EPS15L1: variants seen among roughly 807,000 people sequenced by gnomAD.
The protein encoded by EPS15L1 is epidermal growth factor receptor substrate 15-like 1.
A neutral mutation model predicts 117.1 loss-of-function variants in EPS15L1; 43 were observed. The observed-to-expected ratio is 0.37, with a 90% CI of 0.29 to 0.47. The LOEUF is 0.47. Among genes scored for constraint, EPS15L1 ranks in the 20% least tolerant of loss-of-function variants. The pLI, the probability that EPS15L1 is intolerant of heterozygous loss-of-function variation, is 0.99. For synonymous variants in EPS15L1, 459 were observed against 470.5 expected (o/e 0.98, Z 0.32); for missense variants, 981 against 1,164.0 (o/e 0.84, Z 2.29).
chr19:16,386,154 T>G lies in EPS15L1; in HGVS notation c.2164+17A>C, dbSNP rs776302300. ...CCCAAGGAATAGTCAGGAAGAAAAA[T>G]AAGTCATGGGTCTCACCTGATCCTT... is the stretch of plus-strand genomic sequence containing the variant. On this transcript the variant is annotated intron_variant, in intron 20 of 23. Transcript: ENST00000455140. The G allele has an allele frequency of 3.1e-6, 5 of 1,597,300 alleles. No homozygotes were observed. Among genetic ancestry groups the G allele is most frequent in the East Asian group, 2.2e-5 (1 of 44,658 alleles).
At chr19:16,437,714 C>A in intron 5 of EPS15L1, 56 bp downstream of exon 5, 1 of 1,229,616 alleles carries the variant, frequency 8.1e-7, no homozygotes, top group Non-Finnish European at 1.2e-6. Flanking sequence ...TGCACATACA[C>A]ACACACACAC....
chr19:16,390,332 T>C (rs576978655), intron 19 of EPS15L1, among the ~76,000 whole-genome samples: 5 of 152,312 alleles, frequency 3.3e-5, no homozygotes, highest in African/African-American at 1.2e-4. Context: ...TAAACACCTA[T>C]GCACCTGACA....
intron 1 of EPS15L1, among the ~76,000 whole-genome samples, chr19:16,466,093 A>G (rs905360176): frequency 6.6e-6 from 1 of 151,546 alleles, no homozygotes; most frequent in Admixed American, 6.6e-5. Flanking sequence ...GGTCCAAGCA[A>G]TTCTCCTGCC....
At chr19:16,453,799 A>G (rs2145142299) in intron 1 of EPS15L1, among the ~76,000 whole-genome samples, 1 of 152,244 alleles carries the variant, frequency 6.6e-6, no homozygotes, top group Admixed American at 6.5e-5. Flanking sequence ...AGCATCATGC[A>G]ATACTCTCAT....
chr19:16,469,462 G>A (rs533619524), intron 1 of EPS15L1, among the ~76,000 whole-genome samples: 1 of 152,082 alleles, frequency 6.6e-6, no homozygotes, highest in South Asian at 2.1e-4. Context: ...AAGGCTTTTT[G>A]GAAAGCAGAA....
intron 22 of EPS15L1, among the ~76,000 whole-genome samples, chr19:16,374,827 CAG>C (rs1349845209): frequency 6.6e-5 from 10 of 152,346 alleles, no homozygotes; most frequent in South Asian, 6.2e-4. Context: ...TATGTAAGCA[CAG>C]AGTGTGCATG....
intron 4 of EPS15L1, 39 bp downstream of exon 4, chr19:16,440,823 C>T (rs1224178114): frequency 6.2e-7 from 1 of 1,606,858 alleles, no homozygotes; most frequent in East Asian, 2.2e-5. Context: ...GGGGGCTCTG[C>T]CCAGCCCCTC....
rs1367018073 is a variant in EPS15L1 at position 16,393,890 on chromosome 19, C to A, written c.1966+61G>T. 2.0e-6 allele frequency: 3 copies of A among 1,526,738 alleles called. No homozygotes were observed. In the African/African-American group the frequency reaches 4.1e-5, roughly 21 times the overall value. 94.6% of individuals were successfully genotyped at this position (1,526,738 alleles called of 1,614,324 possible). Reference sequence around the variant, plus strand: ...ATGTGGACACAAGTCCCACCACATGCGACTTCTGAGCCAGGACTGGACACA... The same window carrying A: ...ATGTGGACACAAGTCCCACCACATGAGACTTCTGAGCCAGGACTGGACACA... On this transcript the variant is annotated intron_variant, in intron 18 of 23. Transcript: ENST00000455140.
At chr19:16,376,562 C>G (rs942704287) in intron 22 of EPS15L1, among the ~76,000 whole-genome samples, 1 of 152,172 alleles carries the variant, frequency 6.6e-6, no homozygotes, top group Non-Finnish European at 1.5e-5. Flanking sequence ...AGAGGGGAGC[C>G]CCGAGCCATC....
At chr19:16,455,583 T>C (rs1255062950) in intron 1 of EPS15L1, among the ~76,000 whole-genome samples, 1 of 152,242 alleles carries the variant, frequency 6.6e-6, no homozygotes, top group Non-Finnish European at 1.5e-5. Context: ...TTCTCCCATC[T>C]TGCTTCACTA....
intron 23 of EPS15L1, among the ~76,000 whole-genome samples, chr19:16,359,891 A>G (rs2092029366): frequency 6.7e-6 from 1 of 150,314 alleles, no homozygotes; most frequent in Non-Finnish European, 1.5e-5. Flanking sequence ...AACTTAGGGA[A>G]AAAAAAAAAA....
chr19:16,423,764 T>TACAGCA (rs1312944674), intron 9 of EPS15L1, among the ~76,000 whole-genome samples: 1 of 152,152 alleles, frequency 6.6e-6, no homozygotes, highest in Non-Finnish European at 1.5e-5. Context: ...GTCACGGAGC[T>TACAGCA]ACAGCAAGCT....
Position 16,471,013 on chromosome 19 carries a change from A to G in EPS15L1, c.33+900T>C, listed in dbSNP as rs575003702. Among the ~76,000 whole-genome samples, 1 of 152,320 alleles carries G rather than the reference A, an allele frequency of 6.6e-6. No individual in the cohort carries two copies. Among genetic ancestry groups the G allele is most frequent in the South Asian group, 2.1e-4 (1 of 4,832 alleles). On this transcript the variant is annotated intron_variant, in intron 1 of 23. Transcript: ENST00000455140. This position sits in a 1 kb window ranked among gnomAD's most constrained non-coding sequence, Gnocchi z 4.8. ...AAATCGGGGCTGGAGCCAAGATTTG[A>G]ACACATGATCTGACCCTGTGTCCTC...
intron 1 of EPS15L1, among the ~76,000 whole-genome samples, chr19:16,467,199 T>C (rs1814574415): frequency 6.7e-6 from 1 of 150,004 alleles, no homozygotes; most frequent in Non-Finnish European, 1.5e-5. Context: ...CAGGCTGGAG[T>C]GTGCAGTGGA....
Position 16,452,138 on chromosome 19 carries a change from C to CA in EPS15L1, c.34-9920dup, listed in dbSNP as rs1278481157. ...TGGGCTACAGAGTGAGACTTCGTCT[C>CA]AAAAAAAAAAAACCACACAACAGGA... On this transcript the variant is annotated intron_variant, in intron 1 of 23. Transcript: ENST00000455140. Among the ~76,000 whole-genome samples, 749 of 129,896 alleles carry CA rather than the reference C, an allele frequency of 5.8e-3. 7 individuals are homozygous for CA. Among genetic ancestry groups the CA allele is most frequent in the African/African-American group, 0.011 (398 of 35,248 alleles). 85.2% of individuals were successfully genotyped at this position (129,896 alleles called of 152,430 possible). A position where few individuals can be genotyped will look rare whatever the true frequency, so the allele number is the denominator to read the frequency against.
chr19:16,411,707 C>G (rs1423912608), intron 13 of EPS15L1, among the ~76,000 whole-genome samples: 1 of 152,110 alleles, frequency 6.6e-6, no homozygotes, highest in Non-Finnish European at 1.5e-5. Flanking sequence ...ATTACTTATT[C>G]ATTTATTTTT....
At chr19:16,424,672 T>G (rs977666462) in intron 9 of EPS15L1, among the ~76,000 whole-genome samples, 10 of 152,016 alleles carry the variant, frequency 6.6e-5, no homozygotes, top group Non-Finnish European at 1.2e-4. Flanking sequence ...AATACTTTTT[T>G]TTTTTGAGAT....
At chr19:16,428,261 C>A (rs2092892920) in intron 8 of EPS15L1, among the ~76,000 whole-genome samples, 1 of 151,480 alleles carries the variant, frequency 6.6e-6, no homozygotes, top group South Asian at 2.1e-4. Context: ...GCCTGTAATC[C>A]CAGCACTTTG....
intron 21 of EPS15L1, among the ~76,000 whole-genome samples, chr19:16,377,843 G>A (rs921531398): frequency 2.6e-5 from 4 of 152,184 alleles, no homozygotes; most frequent in Non-Finnish European, 5.9e-5. Context: ...ACCCGCACTG[G>A]TCAGCATGCC....
Sources: gnomAD v4.1 joint callset for allele counts (sites outside exome capture counted in the v4.1 genomes callset) on GRCh38, gnomAD v4.1.1 for gene constraint, Gnocchi (gnomAD v3.1) non-coding constraint, MANE v1.5 for transcripts, NCBI Gene and HGNC (gene_info 2026-07-23, HGNC 2026-07-21) for gene names.